NOMO1: variants seen among roughly 807,000 people sequenced by gnomAD.
NOMO1 encodes nodal modulator 3.
A neutral mutation model predicts 133.8 loss-of-function variants in NOMO1; 40 were observed. The ratio of observed to expected loss-of-function variants is 0.30; its 90% confidence interval spans 0.23 to 0.39. The LOEUF (loss-of-function observed/expected upper bound fraction) is 0.39. NOMO1 is among the 10% of genes least tolerant of loss of function. The pLI, the probability that NOMO1 is intolerant of heterozygous loss-of-function variation, is 1.00. For synonymous variants in NOMO1, 236 were observed against 570.5 expected, an observed-to-expected ratio of 0.41 and a Z score of 8.36; for missense variants, 462 against 1,419.9, an observed-to-expected ratio of 0.33 and a Z score of 10.84.
chr16:14,873,689 A>C (rs568725063), intron 18 of NOMO1, among the ~76,000 whole-genome samples: 1 of 151,808 alleles, frequency 6.6e-6, no homozygotes, highest in Non-Finnish European at 1.5e-5. Flanking sequence ...TTTCAGCTTG[A>C]TTACATTCAT....
In NOMO1 at chr16:14,853,530, T is replaced by C. The variant is rs764737833; in HGVS notation, c.799T>C (p.Tyr267His). Residue 267 changes from tyrosine (Y) to histidine (H), a missense_variant, in exon 8 of 31, where the codon TAT becomes CAT. Transcript: ENST00000287667. The stretch of plus-strand genomic sequence containing the variant: ...CCAGCCCCAAGACGAGAGTCTGGTG[T>C]ATTTGTGCTACACGGTCTCCAGAGA... Reference protein sequence around the residue: ...GFQPQDESLVYLCYTVSREDG... With the variant: ...GFQPQDESLVHLCYTVSREDG... 19 of 1,605,142 alleles carry C rather than the reference T, an allele frequency of 1.2e-5. No homozygotes were observed. Among genetic ancestry groups the C allele is most frequent in the Admixed American group, 1.7e-5 (1 of 59,246 alleles).
intron 9 of NOMO1, among the ~76,000 whole-genome samples, chr16:14,856,747 G>T (rs1361652226): frequency 6.6e-6 from 1 of 151,958 alleles, no homozygotes; most frequent in Admixed American, 6.6e-5. Context: ...TTCAGGTCGT[G>T]GTGGAAAGAC....
intron 28 of NOMO1, among the ~76,000 whole-genome samples, chr16:14,887,588 C>A (rs972608354): frequency 2.6e-5 from 4 of 151,898 alleles, no homozygotes; most frequent in African/African-American, 9.7e-5. Context: ...GCGTGAGCCC[C>A]CGTGCCTGGC....
chr16:14,880,634 G>C (rs895310314), intron 24 of NOMO1, among the ~76,000 whole-genome samples: 1 of 151,868 alleles, frequency 6.6e-6, no homozygotes, highest in Non-Finnish European at 1.5e-5. Flanking sequence ...TGCCTGCCTC[G>C]GTCTCCCAAA....
chr16:14,842,665 A>G (rs551345740), intron 3 of NOMO1, among the ~76,000 whole-genome samples: 6 of 151,946 alleles, frequency 3.9e-5, no homozygotes, highest in Non-Finnish European at 7.4e-5. Context: ...AGAAGTCCCC[A>G]TCCTGGGTGC....
intron 11 of NOMO1, chr16:14,862,453 AT>A (rs1356530650): frequency 1.3e-5 from 2 of 156,874 alleles, no homozygotes; most frequent in African/African-American, 4.8e-5. Flanking sequence ...AAGGAGTTCA[AT>A]TTTAGCTTTG....
At position 14,866,571 on chromosome 16, in the gene NOMO1, G is replaced by A. The variant is rs760983671; in HGVS notation, c.1686G>A (p.Glu562=). ...PGKYKISIMH[E]DWCWKNKSLE... ...CTTTTGCAGTAAGCATCATGCATGA[G>A]GATTGGTGCTGGAAGAACAAGAGCC... is the stretch of plus-strand genomic sequence containing the variant. The change falls in exon 15 of 31, where the codon GAG becomes GAA. Residue 562 remains glutamate (E), a synonymous_variant. Coordinates refer to ENST00000287667, the MANE Select transcript of NOMO1 (RefSeq NM_014287.4). 3.7e-6 allele frequency: 6 copies of A among 1,610,190 alleles called. No individual in the cohort carries two copies. The highest frequency in any genetic ancestry group is 5.1e-6 in the Non-Finnish European group (6 of 1,179,742).
intron 11 of NOMO1, among the ~76,000 whole-genome samples, chr16:14,858,487 A>G (rs918325670): frequency 1.5e-4 from 22 of 151,556 alleles, no homozygotes; most frequent in Admixed American, 7.9e-4. Flanking sequence ...TAGACATAAC[A>G]GGTGCTCACA....
intron 9 of NOMO1, among the ~76,000 whole-genome samples, chr16:14,854,389 C>G (rs1963803997): frequency 1.7e-5 from 2 of 116,996 alleles, no homozygotes; most frequent in South Asian, 6.3e-4. Flanking sequence ...AGCTGGAGTG[C>G]AGTGGTACGA....
intron 3 of NOMO1, among the ~76,000 whole-genome samples, chr16:14,842,798 C>T (rs1006044986): frequency 4.7e-5 from 7 of 150,038 alleles, no homozygotes; most frequent in East Asian, 2.0e-4. Context: ...TTTTAATATC[C>T]GGTTTCTTTC....
At chr16:14,868,737 A>G in intron 16 of NOMO1, 102 bp downstream of exon 16, 1 of 737,038 alleles carries the variant, frequency 1.4e-6, no homozygotes, top group East Asian at 2.5e-5. Context: ...GTTTGCATCA[A>G]GCTTTCAATT....
intron 23 of NOMO1, among the ~76,000 whole-genome samples, chr16:14,879,701 T>G (rs1177937372): frequency 7.4e-6 from 1 of 134,878 alleles, no homozygotes; most frequent in East Asian, 2.1e-4. Context: ...GCTGTGATCG[T>G]GCACTCCATC....
chr16:14,879,955 C>T, intron 23 of NOMO1, 60 bp from the exon 24 acceptor site: 4 of 1,610,166 alleles, frequency 2.5e-6, no homozygotes, highest in South Asian at 1.1e-5. Context: ...GACATTCGCC[C>T]CTCACTTTTA....
Position 14,878,979 on chromosome 16 carries a change from T to C in NOMO1, c.2757+145T>C, listed in dbSNP as rs529578627. ...CAGTTTCTTGGGGGCCCACGGTCAT[T>C]AGAGTATTGCTCTTACTCGAACTTA... On this transcript the variant is annotated intron_variant, in intron 23 of 30. Coordinates refer to ENST00000287667, the MANE Select transcript of NOMO1 (RefSeq NM_014287.4). 7.0e-6 allele frequency: 6 copies of C among 856,442 alleles called. No individual in the cohort carries two copies. In the South Asian group the frequency reaches 8.9e-5, roughly 13 times the overall value. The allele number at this position is 856,442 out of a possible 1,614,324, so 53.1% of individuals were successfully genotyped here.
At position 14,886,708 on chromosome 16, in the gene NOMO1, A is replaced by G; in HGVS notation, c.3223-53A>G. The G allele has an allele frequency of 5.6e-6, 9 of 1,610,658 alleles. No individual in the cohort carries two copies. In the South Asian group the frequency reaches 9.9e-5, roughly 18 times the overall value. On this transcript the variant is annotated intron_variant, in intron 27 of 30. Transcript: ENST00000287667. ...CTGTCCTGAGGATGTCTGCTATGAA[A>G]TATTGATTGTGTTTCAGTTTCAAAG...
At chr16:14,855,134 GC>G (rs1963815014) in intron 9 of NOMO1, among the ~76,000 whole-genome samples, 1 of 149,044 alleles carries the variant, frequency 6.7e-6, no homozygotes, top group Admixed American at 6.7e-5. Flanking sequence ...GATCCTTCTG[GC>G]AGCTGCATTG....
intron 28 of NOMO1, 38 bp from the exon 29 acceptor site, chr16:14,889,058 T>C: frequency 1.2e-6 from 2 of 1,611,798 alleles, no homozygotes; most frequent in Non-Finnish European, 1.7e-6. Flanking sequence ...TTGCCAGAGC[T>C]GTCCTTGTAA....
chr16:14,856,070 G>A (rs895612176), intron 9 of NOMO1, among the ~76,000 whole-genome samples: 2 of 152,058 alleles, frequency 1.3e-5, no homozygotes, highest in African/African-American at 2.4e-5. Flanking sequence ...TGTTGCACAC[G>A]TGCGTGCACA....
Position 14,853,580 on chromosome 16 carries a change from C to T in NOMO1, c.849C>T (p.Ser283=). ...SREDGSFSFY[S]LPSGGYTVIP... The stretch of plus-strand genomic sequence containing the variant: ...AAGATGGCTCGTTCTCTTTCTATTC[C>T]TTGCCAAGTGGGGGCTACACTGTGG... The change falls in exon 8 of 31, where the codon TCC becomes TCT. Residue 283 remains serine (S), a synonymous_variant. Coordinates refer to ENST00000287667, the MANE Select transcript of NOMO1 (RefSeq NM_014287.4). The T allele has an allele frequency of 2.5e-6, 4 of 1,610,948 alleles. No individual in the cohort carries two copies. Among genetic ancestry groups the T allele is most frequent in the Non-Finnish European group, 3.4e-6 (4 of 1,179,750 alleles).
Sources: allele counts gnomAD v4.1 joint callset (sites outside exome capture counted in the v4.1 genomes callset), GRCh38; gene constraint gnomAD v4.1.1; transcripts MANE v1.5; gene names NCBI Gene and HGNC (gene_info 2026-07-23, HGNC 2026-07-21).